KAT6B: variants seen among roughly 807,000 people sequenced by gnomAD.
KAT6B encodes lysine acetyltransferase 6B.
In KAT6B, 10 loss-of-function variants were observed where a neutral mutation model predicts 187.5. That is an observed-to-expected ratio of 0.05 (90% confidence interval 0.03 to 0.09). The LOEUF is 0.09. Ranked by LOEUF, KAT6B falls within the 10% of genes least tolerant of loss-of-function variation. The pLI is 1.00. For missense variants in KAT6B, 1,952 were observed against 2,558.9 expected (o/e 0.76, Z 5.12); for synonymous variants, 861 against 926.8 (o/e 0.93, Z 1.29).
intron 3 of KAT6B, among the ~76,000 whole-genome samples, chr10:74,957,514 G>A (rs1273848511): frequency 2.0e-5 from 3 of 152,178 alleles, no homozygotes; most frequent in Admixed American, 6.5e-5. Context: ...CGAAAAATGA[G>A]CATGAATGCT....
intron 3 of KAT6B, among the ~76,000 whole-genome samples, chr10:74,867,851 A>G (rs936775701): frequency 6.6e-5 from 10 of 152,236 alleles, no homozygotes; most frequent in African/African-American, 2.2e-4. Context: ...CAGGTATTCA[A>G]CAAAGCAATA....
intron 13 of KAT6B, among the ~76,000 whole-genome samples, chr10:75,013,091 C>T (rs1844726718): frequency 6.6e-6 from 1 of 152,106 alleles, no homozygotes; most frequent in Admixed American, 6.5e-5. Context: ...ATGCTGTGTC[C>T]ATGCTCAGGG....
In KAT6B at chr10:74,929,696, A is replaced by G. The variant is rs1200249075; in HGVS notation, c.622-30274A>G. On this transcript the variant is annotated intron_variant, in intron 3 of 17. Coordinates refer to ENST00000287239, the MANE Select transcript of KAT6B (RefSeq NM_012330.4). The stretch of plus-strand genomic sequence containing the variant: ...GGCTGCTAGTTTCACATATATAAGC[A>G]GTGTGTATTCAAAAGAATTTATACC... Among the ~76,000 whole-genome samples, 9 of 152,186 alleles carry G rather than the reference A, an allele frequency of 5.9e-5. No individual in the cohort carries two copies. In the East Asian group the frequency reaches 1.7e-3, roughly 29 times the overall value.
chr10:74,842,036 C>T (rs1841778178), intron 2 of KAT6B, among the ~76,000 whole-genome samples: 2 of 152,174 alleles, frequency 1.3e-5, no homozygotes, highest in South Asian at 4.1e-4. Context: ...GTATTATTTT[C>T]AGTTTTCCAA....
At chr10:74,914,536 A>C (rs1847509069) in intron 3 of KAT6B, among the ~76,000 whole-genome samples, 1 of 152,180 alleles carries the variant, frequency 6.6e-6, no homozygotes, top group African/African-American at 2.4e-5. Flanking sequence ...TTTCTTCTGG[A>C]AACTTTTAGG....
intron 3 of KAT6B, among the ~76,000 whole-genome samples, chr10:74,856,483 C>T (rs925211511): frequency 6.6e-6 from 1 of 152,094 alleles, no homozygotes; most frequent in African/African-American, 2.4e-5. Flanking sequence ...CTCCTTTTTG[C>T]TTCTGAAGAC....
intron 3 of KAT6B, among the ~76,000 whole-genome samples, chr10:74,883,619 A>C (rs1045451624): frequency 2.6e-5 from 4 of 152,214 alleles, no homozygotes; most frequent in Non-Finnish European, 5.9e-5. Context: ...AACACATTTC[A>C]TAAGAGCTAG....
rs1846302940 is a variant in KAT6B at position 75,031,247 on chromosome 10, T to C, written c.*201T>C. 1.6e-6 allele frequency: 1 copy of C among 615,088 alleles called. No individual in the cohort carries two copies. Among genetic ancestry groups the C allele is most frequent in the Admixed American group, 3.0e-5 (1 of 33,514 alleles). 38.1% of individuals were successfully genotyped at this position (615,088 alleles called of 1,614,324 possible). A position where few individuals can be genotyped will look rare whatever the true frequency, so the allele number is the denominator to read the frequency against. On this transcript the variant is annotated 3_prime_UTR_variant, in exon 18 of 18. Coordinates refer to ENST00000287239, the MANE Select transcript of KAT6B (RefSeq NM_012330.4). The stretch of plus-strand genomic sequence containing the variant: ...GTTTTTCTTTTTTTCCTTTTTCTTT[T>C]TTTTGGTACCTTCATTTCTGTTACT...
chr10:74,891,711 G>A (rs1002530100), intron 3 of KAT6B, among the ~76,000 whole-genome samples: 1 of 152,182 alleles, frequency 6.6e-6, no homozygotes, highest in African/African-American at 2.4e-5. Context: ...TCTGACTGAT[G>A]ATGGCAGATT....
At chr10:74,939,351 A>C (rs1195872901) in intron 3 of KAT6B, among the ~76,000 whole-genome samples, 1 of 152,106 alleles carries the variant, frequency 6.6e-6, no homozygotes. Flanking sequence ...GGGCTAAGGA[A>C]AATTACCCCT....
chr10:74,913,414 A>G (rs1396158600), intron 3 of KAT6B, among the ~76,000 whole-genome samples: 2 of 152,232 alleles, frequency 1.3e-5, no homozygotes, highest in Non-Finnish European at 2.9e-5. Context: ...TTATAACTAT[A>G]TGTTCTATTA....
At chr10:74,885,509 A>G (rs1276267931) in intron 3 of KAT6B, among the ~76,000 whole-genome samples, 1 of 152,198 alleles carries the variant, frequency 6.6e-6, no homozygotes, top group African/African-American at 2.4e-5. Flanking sequence ...TTTAATAAAG[A>G]TGCAAGTTTA....
intron 3 of KAT6B, among the ~76,000 whole-genome samples, chr10:74,878,544 C>T (rs140543570): frequency 6.9e-6 from 1 of 145,522 alleles, no homozygotes; most frequent in Non-Finnish European, 1.5e-5. Flanking sequence ...CACTTGAACC[C>T]GGGAGGTGGA....
intron 2 of KAT6B, among the ~76,000 whole-genome samples, chr10:74,841,292 G>C (rs866246555): frequency 8.5e-5 from 13 of 152,194 alleles, no homozygotes; most frequent in African/African-American, 3.1e-4. Flanking sequence ...TTTAGAATTG[G>C]CTGGGCACAG....
At chr10:75,003,348 GCTTCT>G (rs914605547) in intron 13 of KAT6B, among the ~76,000 whole-genome samples, 2 of 152,226 alleles carry the variant, frequency 1.3e-5, no homozygotes, top group Admixed American at 6.5e-5. Context: ...TGTCAAGAAA[GCTTCT>G]CTTTGCTTAG....
chr10:74,862,121 G>A (rs1483354820), intron 3 of KAT6B, among the ~76,000 whole-genome samples: 2 of 152,296 alleles, frequency 1.3e-5, no homozygotes. Flanking sequence ...CTTGGAGTTT[G>A]TCCTTCAGAA....
At chr10:74,862,792 T>C (rs555701639) in intron 3 of KAT6B, among the ~76,000 whole-genome samples, 1 of 152,292 alleles carries the variant, frequency 6.6e-6, no homozygotes, top group South Asian at 2.1e-4. Flanking sequence ...AGTCGCTGCC[T>C]GAGCTACAGA....
intron 1 of KAT6B, among the ~76,000 whole-genome samples, chr10:74,829,969 G>T (rs1468731435): frequency 2.0e-5 from 3 of 147,622 alleles, no homozygotes; most frequent in Non-Finnish European, 4.5e-5. Context: ...AGTGAGCTGA[G>T]ATTGCACCAC....
At chr10:74,905,161 C>G (rs1260798070) in intron 3 of KAT6B, among the ~76,000 whole-genome samples, 2 of 152,048 alleles carry the variant, frequency 1.3e-5, no homozygotes, top group African/African-American at 4.8e-5. Context: ...GGGAATTTGA[C>G]AGTACAAAAA....
Sources: allele counts gnomAD v4.1 joint callset (sites outside exome capture counted in the v4.1 genomes callset), GRCh38; gene constraint gnomAD v4.1.1; transcripts MANE v1.5; gene names NCBI Gene and HGNC (gene_info 2026-07-23, HGNC 2026-07-21).